Variants in TRIP4 observed in about 807,000 individuals in gnomAD.
The protein encoded by TRIP4 is activating signal cointegrator 1.
In TRIP4, 54 loss-of-function variants were observed where a neutral mutation model predicts 81.8. The observed-to-expected ratio is 0.66, with a 90% CI of 0.53 to 0.83. TRIP4 has a LOEUF of 0.83. Ranked by LOEUF, TRIP4 falls within the 40% of genes least tolerant of loss-of-function variation. TRIP4 has a pLI of 0.00. For missense variants in TRIP4, 662 were observed against 683.6 expected, an observed-to-expected ratio of 0.97 and a Z score of 0.35; for synonymous variants, 270 against 242.8, an observed-to-expected ratio of 1.11 and a Z score of -1.04.
chr15:64,445,671 A>C (rs28404784), intron 12 of TRIP4, among the ~76,000 whole-genome samples: 15 of 141,972 alleles, frequency 1.1e-4, no homozygotes, highest in African/African-American at 4.2e-4. Context: ...CAGTCTCAAA[A>C]AAAAAAAAAA....
chr15:64,425,672 G>T (rs778134497), intron 11 of TRIP4, 41 bp downstream of exon 11: 3 of 1,527,692 alleles, frequency 2.0e-6, no homozygotes, highest in Non-Finnish European at 2.7e-6. Flanking sequence ...ACAGGGTTTC[G>T]CCATGTTGGC....
intron 11 of TRIP4, among the ~76,000 whole-genome samples, chr15:64,436,379 G>A (rs531311818): frequency 1.2e-3 from 180 of 151,988 alleles, no homozygotes; most frequent in Non-Finnish European, 2.2e-3. Context: ...AGATCACGAG[G>A]TCAGGAGTTC....
At chr15:64,454,507 T>A (rs755881330) in intron 12 of TRIP4, among the ~76,000 whole-genome samples, 2 of 152,184 alleles carry the variant, frequency 1.3e-5, no homozygotes, top group Non-Finnish European at 2.9e-5. Flanking sequence ...AAAGCATTCA[T>A]GTGGATTCTA....
At chr15:64,392,497 ATG>A (rs919598914) in intron 1 of TRIP4, among the ~76,000 whole-genome samples, 2 of 151,778 alleles carry the variant, frequency 1.3e-5, no homozygotes, top group Non-Finnish European at 2.9e-5. Flanking sequence ...GGGTGTGTGT[ATG>A]TGTGTGTGTA....
chr15:64,410,252 C>T (rs994986778), intron 7 of TRIP4, among the ~76,000 whole-genome samples: 5 of 152,084 alleles, frequency 3.3e-5, no homozygotes, highest in Non-Finnish European at 7.4e-5. Context: ...TCTCAAACTA[C>T]TGACCTCAAG....
At chr15:64,395,663 A>G in intron 3 of TRIP4, 132 bp downstream of exon 3, 2 of 1,025,008 alleles carry the variant, frequency 2.0e-6, no homozygotes. Flanking sequence ...TTTAGGTAGA[A>G]AAAGTTACAT....
intron 1 of TRIP4, among the ~76,000 whole-genome samples, chr15:64,389,002 G>A (rs1049660262): frequency 6.6e-6 from 1 of 152,130 alleles, no homozygotes; most frequent in African/African-American, 2.4e-5. Context: ...GTTGATGAGT[G>A]CTGAGGTTGG....
chr15:64,448,871 C>T (rs1892689379), intron 12 of TRIP4, among the ~76,000 whole-genome samples: 1 of 151,936 alleles, frequency 6.6e-6, no homozygotes, highest in African/African-American at 2.4e-5. Context: ...TCACACTTTC[C>T]CCTAGATATA....
intron 8 of TRIP4, among the ~76,000 whole-genome samples, chr15:64,416,322 G>A (rs1265858143): frequency 2.0e-5 from 3 of 152,168 alleles, no homozygotes; most frequent in African/African-American, 2.4e-5. Context: ...AAGATAATGA[G>A]GAATTAATTT....
intron 11 of TRIP4, among the ~76,000 whole-genome samples, chr15:64,433,366 A>G (rs1204821738): frequency 6.6e-6 from 1 of 152,068 alleles, no homozygotes; most frequent in Admixed American, 6.6e-5. Flanking sequence ...AGAGAGTTCA[A>G]ATAACTTGTG....
At chr15:64,433,359 G>A (rs1042521157) in intron 11 of TRIP4, among the ~76,000 whole-genome samples, 2 of 152,054 alleles carry the variant, frequency 1.3e-5, no homozygotes, top group African/African-American at 4.8e-5. Context: ...AGTGTCAAGA[G>A]AGTTCAAATA....
chr15:64,436,401 G>A (rs1892399464), intron 11 of TRIP4, among the ~76,000 whole-genome samples: 1 of 151,962 alleles, frequency 6.6e-6, no homozygotes, highest in Non-Finnish European at 1.5e-5. Flanking sequence ...AGACCAGCCT[G>A]GGCAGCATGG....
intron 11 of TRIP4, among the ~76,000 whole-genome samples, chr15:64,442,546 A>C (rs1167784346): frequency 6.6e-6 from 1 of 151,820 alleles, no homozygotes; most frequent in African/African-American, 2.4e-5. Flanking sequence ...GGGCCTCCCA[A>C]AGTGCTGGGA....
chr15:64,426,727 A>G (rs544168676), intron 11 of TRIP4, among the ~76,000 whole-genome samples: 2 of 138,992 alleles, frequency 1.4e-5, no homozygotes, highest in Admixed American at 1.5e-4. Context: ...AAAGATGGGC[A>G]TGGTGGCTCA....
intron 4 of TRIP4, among the ~76,000 whole-genome samples, chr15:64,400,231 C>A (rs539486399): frequency 6.6e-6 from 1 of 151,616 alleles, no homozygotes; most frequent in Non-Finnish European, 1.5e-5. Context: ...CTGCTTGAGC[C>A]CAGGAGTTCA....
intron 6 of TRIP4, among the ~76,000 whole-genome samples, chr15:64,408,682 T>C (rs1891688759): frequency 6.6e-6 from 1 of 152,192 alleles, no homozygotes; most frequent in South Asian, 2.1e-4. Context: ...AACGTAATCT[T>C]AACTGGATTT....
chr15:64,396,428 G>A (rs1055620435), intron 3 of TRIP4, among the ~76,000 whole-genome samples: 7 of 151,428 alleles, frequency 4.6e-5, no homozygotes, highest in Non-Finnish European at 2.9e-5. Context: ...AGGCACACAT[G>A]CTACCACACC....
chr15:64,436,008 T>A (rs564064377), intron 11 of TRIP4, among the ~76,000 whole-genome samples: 7 of 151,890 alleles, frequency 4.6e-5, no homozygotes, highest in South Asian at 2.1e-4. Flanking sequence ...CTTTAAAACA[T>A]CTCAGGCTGG....
In TRIP4 at chr15:64,425,561, A is replaced by C. The variant is rs758104400; in HGVS notation, c.1505A>C (p.Tyr502Ser). 2 of 1,611,890 alleles carry C rather than the reference A, an allele frequency of 1.2e-6. No individual in the cohort carries two copies. Among genetic ancestry groups the C allele is most frequent in the Admixed American group, 1.7e-5 (1 of 59,546 alleles). Residue 502 changes from tyrosine to serine, a missense_variant, in exon 11 of 13, where the codon TAT becomes TCT. Tyr to Ser is a moderately radical substitution (Grantham distance 144, BLOSUM62 -2). Coordinates refer to ENST00000261884, the MANE Select transcript of TRIP4 (RefSeq NM_016213.5). ...TCAGATGTGGAATTTCCTAATGACT[A>C]TCCGTCAGGTTGTCTTCTGGGCTGT... ...RGKDVEFPND[Y>S]PSGCLLGCVD...
Sources: gnomAD v4.1 joint callset for allele counts (sites outside exome capture counted in the v4.1 genomes callset) on GRCh38, gnomAD v4.1.1 for gene constraint, MANE v1.5 for transcripts, NCBI Gene and HGNC (gene_info 2026-07-23, HGNC 2026-07-21) for gene names.